Variants in NRDC observed in about 807,000 individuals in gnomAD.
NRDC encodes nardilysin.
NRDC carries 54 observed loss-of-function variants against 147.1 expected under a neutral mutation model. The observed-to-expected ratio is 0.37, with a 90% CI of 0.29 to 0.46. The LOEUF (loss-of-function observed/expected upper bound fraction) is 0.46. NRDC is among the 20% of genes least tolerant of loss of function. The pLI is 1.00. For synonymous variants in NRDC, 440 were observed against 482.1 expected, an observed-to-expected ratio of 0.91 and a Z score of 1.14; for missense variants, 1,082 against 1,370.6, an observed-to-expected ratio of 0.79 and a Z score of 3.33.
chr1:51,792,058 T>G lies in NRDC; in HGVS notation c.2864A>C (p.Lys955Thr). 1 of 1,614,120 alleles carries G rather than the reference T, an allele frequency of 6.2e-7. No homozygotes were observed. The highest frequency in any genetic ancestry group is 8.5e-7 in the Non-Finnish European group (1 of 1,180,010). Reference sequence around the variant, plus strand: ...CCAGCTGACTTACCCAAGGGTCTGCTTGGTTCGAAGGAAGTCAAAACAAGG... The same window carrying G: ...CCAGCTGACTTACCCAAGGGTCTGCGTGGTTCGAAGGAAGTCAAAACAAGG... ...EEPCFDFLRT[K>T]QTLGYHVYPT... The change falls in exon 26 of 31, where the codon AAG (lysine) becomes ACG (threonine). Residue 955 changes from lysine (K) to threonine (T), a missense_variant. Lys to Thr is a moderately conservative substitution (Grantham distance 78, BLOSUM62 -1). This residue lies in a region of NRDC where 635 missense variants were observed against 923.8 expected (regional missense o/e 0.69). Transcript: ENST00000352171.
intron 1 of NRDC, among the ~76,000 whole-genome samples, chr1:51,851,912 A>C (rs772868913): frequency 6.6e-5 from 10 of 152,146 alleles, no homozygotes; most frequent in African/African-American, 9.7e-5. Context: ...CAGCCAAGGA[A>C]CACATCATTT....
At chr1:51,836,944 CTTT>C (rs201636652) in intron 2 of NRDC, among the ~76,000 whole-genome samples, 32 of 128,148 alleles carry the variant, frequency 2.5e-4, no homozygotes, top group Admixed American at 4.8e-4. Context: ...ATGATTGGGA[CTTT>C]TTTTTTTTTT....
chr1:51,857,709 T>A (rs990620742), intron 1 of NRDC, among the ~76,000 whole-genome samples: 1 of 152,186 alleles, frequency 6.6e-6, no homozygotes, highest in South Asian at 2.1e-4. Flanking sequence ...TTGGATCTGA[T>A]AATTAACTGA....
chr1:51,814,746 C>A lies in NRDC; in HGVS notation c.1507G>T (p.Val503Leu). The change falls in exon 12 of 31, where the codon GTG becomes TTG. Residue 503 changes from valine to leucine, a missense_variant. Val to Leu is a conservative substitution (Grantham distance 32, BLOSUM62 1). Transcript: ENST00000352171. ...TGFEQNSTYS[V>L]FSISITLTDE... ...GTCAATGTAATAGAAATGCTGAACA[C>A]TGAATAAGTAGAATTTTGCTCAAAT... is the stretch of plus-strand genomic sequence containing the variant. The A allele has an allele frequency of 1.2e-6, 2 of 1,612,072 alleles. No individual in the cohort carries two copies. Among genetic ancestry groups the A allele is most frequent in the Non-Finnish European group, 1.7e-6 (2 of 1,179,284 alleles).
intron 15 of NRDC, 116 bp from the exon 16 acceptor site, chr1:51,810,520 C>A: frequency 1.1e-6 from 1 of 877,856 alleles, no homozygotes; most frequent in Non-Finnish European, 1.7e-6. Flanking sequence ...CATAAAAATA[C>A]CTACAGTTCA....
At chr1:51,864,721 G>C (rs1449897432) in intron 1 of NRDC, among the ~76,000 whole-genome samples, 1 of 151,994 alleles carries the variant, frequency 6.6e-6, no homozygotes, top group Non-Finnish European at 1.5e-5. Context: ...GGAGGACAAG[G>C]AGGGCAGATC....
intron 16 of NRDC, among the ~76,000 whole-genome samples, chr1:51,809,870 A>C (rs1391723740): frequency 2.6e-5 from 4 of 151,708 alleles, no homozygotes; most frequent in Non-Finnish European, 5.9e-5. Context: ...GCACCACTGC[A>C]CTCCAGCCTG....
chr1:51,825,270 TGTATTTA>T lies in NRDC; in HGVS notation c.1036+10_1036+16del, dbSNP rs1170090354. 1.5e-6 allele frequency: 2 copies of T among 1,335,910 alleles called. No individual in the cohort carries two copies. Among genetic ancestry groups the T allele is most frequent in the African/African-American group, 2.9e-5 (2 of 68,458 alleles). The allele number at this position is 1,335,910 out of a possible 1,614,324, so 82.8% of individuals were successfully genotyped here. A position where few individuals can be genotyped will look rare whatever the true frequency, so the allele number is the denominator to read the frequency against. On this transcript the variant is annotated intron_variant, in intron 6 of 30. Coordinates refer to ENST00000352171, the MANE Select transcript of NRDC (RefSeq NM_001101662.2). ...AACTAGAAAATATGAAATAAGATGA[TGTATTTA>T]GTATCTTACCCCAAAAAAATTTTCC...
intron 1 of NRDC, among the ~76,000 whole-genome samples, chr1:51,851,502 G>A (rs908200112): frequency 2.0e-5 from 3 of 151,484 alleles, no homozygotes; most frequent in African/African-American, 7.3e-5. Flanking sequence ...AGCCCATTAG[G>A]GTGTATTCTG....
At chr1:51,790,875 CA>C in intron 28 of NRDC, 24 bp downstream of exon 28, 3 of 1,594,740 alleles carry the variant, frequency 1.9e-6, no homozygotes, top group East Asian at 2.2e-5. Context: ...GGCCAAAGGC[CA>C]AAAGACCAGG....
rs374713093 is a variant in NRDC, at chr1:51,806,900, C to A, written c.2004G>T (p.Thr668=). 3 of 1,613,532 alleles carry A rather than the reference C, an allele frequency of 1.9e-6. No homozygotes were observed. The Admixed American group carries it at 5.0e-5, about 27-fold the overall frequency. The change falls in exon 18 of 31, where the codon ACG becomes ACT. Residue 668 remains threonine (T), a synonymous_variant. Transcript: ENST00000352171. ...TTTCCGGGCAATCGAAAGCCTTCAA[C>A]GTAAAGTCCGTGGCTAATAAAAGAA... ...AENKYIATDF[T]LKAFDCPETE...
intron 1 of NRDC, among the ~76,000 whole-genome samples, chr1:51,858,240 G>A (rs1682354316): frequency 6.6e-6 from 1 of 152,148 alleles, no homozygotes; most frequent in Non-Finnish European, 1.5e-5. Context: ...AACACGTTGG[G>A]AGATCAAAGC....
chr1:51,848,579 A>G (rs1037482136), intron 1 of NRDC, among the ~76,000 whole-genome samples: 3 of 152,188 alleles, frequency 2.0e-5, no homozygotes, highest in African/African-American at 7.2e-5. Flanking sequence ...TACCAAAAAC[A>G]AAACCCAAAA....
At chr1:51,797,147 G>A (rs1053732955) in intron 22 of NRDC, among the ~76,000 whole-genome samples, 3 of 151,958 alleles carry the variant, frequency 2.0e-5, no homozygotes. Flanking sequence ...TTGCAGTTGG[G>A]CCAAGATCAC....
chr1:51,844,171 C>T (rs1681415795), intron 1 of NRDC, among the ~76,000 whole-genome samples: 1 of 152,040 alleles, frequency 6.6e-6, no homozygotes, highest in African/African-American at 2.4e-5. Flanking sequence ...CCCCAACACA[C>T]CTCAAGTCAA....
At chr1:51,800,240 T>C (rs917265633) in intron 21 of NRDC, among the ~76,000 whole-genome samples, 1 of 152,212 alleles carries the variant, frequency 6.6e-6, no homozygotes, top group Non-Finnish European at 1.5e-5. Flanking sequence ...CTCAAAGTGC[T>C]GGGATTACAG....
intron 22 of NRDC, among the ~76,000 whole-genome samples, chr1:51,797,014 C>A (rs909433997): frequency 1.3e-5 from 2 of 151,670 alleles, no homozygotes; most frequent in Admixed American, 6.5e-5. Flanking sequence ...TCCTGGCCAA[C>A]ACGGTGAAAT....
intron 1 of NRDC, among the ~76,000 whole-genome samples, chr1:51,862,649 G>A (rs1471356625): frequency 1.3e-5 from 2 of 152,078 alleles, no homozygotes; most frequent in Non-Finnish European, 2.9e-5. Flanking sequence ...ACCTGAGCCA[G>A]GAGGTTAAGG....
chr1:51,813,577 T>A (rs1679827045), intron 14 of NRDC, among the ~76,000 whole-genome samples: 1 of 152,178 alleles, frequency 6.6e-6, no homozygotes, highest in Non-Finnish European at 1.5e-5. Context: ...ATTACAGGCA[T>A]GAGCCACAGT....
Sources: gnomAD v4.1 joint callset for allele counts (sites outside exome capture counted in the v4.1 genomes callset) on GRCh38, gnomAD v4.1.1 for gene constraint, gnomAD v4.1.1 regional missense constraint, MANE v1.5 for transcripts, NCBI Gene and HGNC (gene_info 2026-07-23, HGNC 2026-07-21) for gene names.